Variants in SCN8A observed in about 807,000 individuals in gnomAD.
The protein encoded by SCN8A is sodium voltage-gated channel alpha subunit 8.
A neutral mutation model predicts 184.1 loss-of-function variants in SCN8A; 30 were observed. The ratio of observed to expected loss-of-function variants is 0.16; its 90% CI spans 0.12 to 0.22. The LOEUF (loss-of-function observed/expected upper bound fraction) is 0.22. Among genes scored for constraint, SCN8A ranks in the 10% least tolerant of loss-of-function variants. The pLI, the probability that SCN8A is intolerant of heterozygous loss-of-function variation, is 1.00. For missense variants in SCN8A, 1,057 were observed against 2,498.9 expected (o/e 0.42, Z 12.30); for synonymous variants, 852 against 907.0 (o/e 0.94, Z 1.09).
chr12:51,636,186 C>T (rs759071770), intron 1 of SCN8A, among the ~76,000 whole-genome samples: 2 of 152,130 alleles, frequency 1.3e-5, no homozygotes, highest in Admixed American at 6.5e-5. Flanking sequence ...TTAGTAGAGA[C>T]GGGGTTTCAC....
chr12:51,618,688 C>G (rs1939898449), intron 1 of SCN8A, among the ~76,000 whole-genome samples: 1 of 152,000 alleles, frequency 6.6e-6, no homozygotes, highest in African/African-American at 2.4e-5. Context: ...CTTACTTCAT[C>G]TTATCTGGAG....
chr12:51,702,342 A>AG (rs1491546467), intron 8 of SCN8A, among the ~76,000 whole-genome samples: 2 of 151,300 alleles, frequency 1.3e-5, no homozygotes, highest in Non-Finnish European at 2.9e-5. Flanking sequence ...AAAAAAAAAA[A>AG]GAGGAACTTC....
At chr12:51,749,882 T>C (rs778216143) in intron 13 of SCN8A, among the ~76,000 whole-genome samples, 3 of 152,166 alleles carry the variant, frequency 2.0e-5, no homozygotes, top group Non-Finnish European at 2.9e-5. Context: ...AGAGTAGCTG[T>C]TACAGCCAAC....
chr12:51,621,168 A>G (rs1171942483), intron 1 of SCN8A, among the ~76,000 whole-genome samples: 1 of 152,134 alleles, frequency 6.6e-6, no homozygotes, highest in African/African-American at 2.4e-5. Flanking sequence ...CTGTCAAGAA[A>G]TTTTTTATTA....
intron 1 of SCN8A, among the ~76,000 whole-genome samples, chr12:51,628,593 G>C (rs995969637): frequency 2.1e-4 from 32 of 152,172 alleles, no homozygotes; most frequent in African/African-American, 7.5e-4. Flanking sequence ...TGGGGGGAAA[G>C]GGGTGGTGGT....
At chr12:51,629,291 A>G (rs1241596971) in intron 1 of SCN8A, among the ~76,000 whole-genome samples, 3 of 152,144 alleles carry the variant, frequency 2.0e-5, no homozygotes, top group Non-Finnish European at 4.4e-5. Flanking sequence ...AGAGTGTCTC[A>G]ATCTTGGCCT....
intron 1 of SCN8A, among the ~76,000 whole-genome samples, chr12:51,639,032 G>A (rs1401949263): frequency 5.3e-5 from 8 of 152,080 alleles, no homozygotes; most frequent in Admixed American, 5.2e-4. Context: ...TCAGGCTTGA[G>A]TGCAGTGGTG....
Position 51,649,297 on chromosome 12 carries a change from T to C in SCN8A, c.-54-13467T>C, listed in dbSNP as rs200386390. ...GTCTTTTCCAAGCGAACAATGCAATTGGTCGGTAGATCTACCATTCTGGGG... is the reference window on the plus strand; with the variant it reads ...GTCTTTTCCAAGCGAACAATGCAATCGGTCGGTAGATCTACCATTCTGGGG... On this transcript the variant is annotated intron_variant, in intron 1 of 26. Coordinates refer to ENST00000627620, the MANE Select transcript of SCN8A (RefSeq NM_001330260.2). Among the ~76,000 whole-genome samples, 3 of 152,164 alleles carry C rather than the reference T, an allele frequency of 2.0e-5. No homozygotes were observed. The East Asian group carries it at 5.8e-4, about 29-fold the overall frequency.
chr12:51,797,095 CACTT>C (rs1199294823), intron 26 of SCN8A, among the ~76,000 whole-genome samples: 2 of 152,180 alleles, frequency 1.3e-5, no homozygotes, highest in Admixed American at 6.5e-5. Flanking sequence ...ATCAAATTGA[CACTT>C]AATATTAACC....
At position 51,807,231 on chromosome 12, in the gene SCN8A, C is replaced by T. The variant is rs751690796; in HGVS notation, c.5745C>T (p.Phe1915=). The change falls in exon 27 of 27, where the codon TTC becomes TTT. Residue 1915 remains phenylalanine, a synonymous_variant. Coordinates refer to ENST00000627620, the MANE Select transcript of SCN8A (RefSeq NM_001330260.2). This position sits in a 1 kb window ranked among gnomAD's most constrained non-coding sequence, Gnocchi z 4.5. The part of the protein sequence containing the change: ...AYRGHLARRG[F]ICKKTTSNKL... ...GGGGACATTTGGCAAGGCGGGGCTT[C>T]ATCTGCAAAAAGACAACTTCTAATA... The T allele has an allele frequency of 2.5e-6, 4 of 1,613,824 alleles. No individual in the cohort carries two copies. In the African/African-American group the frequency reaches 4.0e-5, roughly 16 times the overall value.
chr12:51,712,649 T>G, intron 11 of SCN8A: 1 of 800,738 alleles, frequency 1.2e-6, no homozygotes. Flanking sequence ...ACCGCCAAAA[T>G]TTCCTCCTTC....
chr12:51,617,064 T>C (rs547418498), intron 1 of SCN8A, among the ~76,000 whole-genome samples: 2 of 152,364 alleles, frequency 1.3e-5, no homozygotes, highest in Admixed American at 1.3e-4. Context: ...ATTGGTTTGA[T>C]CATGATGTTT....
chr12:51,800,618 A>G (rs1008355774), intron 26 of SCN8A, among the ~76,000 whole-genome samples: 7 of 152,232 alleles, frequency 4.6e-5, no homozygotes, highest in African/African-American at 1.7e-4. Flanking sequence ...TCAATTATAC[A>G]TTCTGGCACT....
chr12:51,692,112 T>C (rs1314796272), intron 6 of SCN8A, among the ~76,000 whole-genome samples: 1 of 152,226 alleles, frequency 6.6e-6, no homozygotes, highest in Non-Finnish European at 1.5e-5. Flanking sequence ...TGTTGTTCTC[T>C]TTGTCTTCTC....
chr12:51,629,159 A>C (rs1436466475), intron 1 of SCN8A, among the ~76,000 whole-genome samples: 2 of 152,190 alleles, frequency 1.3e-5, no homozygotes, highest in Non-Finnish European at 2.9e-5. Context: ...TTATTAGCAG[A>C]TGAAATGGGC....
At position 51,754,495 on chromosome 12, in the gene SCN8A, C is replaced by T. The variant is rs1592144304; in HGVS notation, c.2370+2902C>T. ...ACAATGTTGTGAAGTAAAGTATGACCTTGTCCTGTGGTTGGAATGTGAGGC... is the reference window on the plus strand; with the variant it reads ...ACAATGTTGTGAAGTAAAGTATGACTTTGTCCTGTGGTTGGAATGTGAGGC... On this transcript the variant is annotated intron_variant, in intron 14 of 26. Transcript: ENST00000627620. 1.3e-5 allele frequency among the ~76,000 whole-genome samples: 2 copies of T among 152,128 alleles called. 1 individual carries two copies. The highest frequency in any genetic ancestry group is 1.3e-4 in the Admixed American group (2 of 15,274).
At chr12:51,776,213 C>T (rs763543673) in intron 20 of SCN8A, among the ~76,000 whole-genome samples, 6 of 152,192 alleles carry the variant, frequency 3.9e-5, no homozygotes, top group Non-Finnish European at 8.8e-5. Context: ...TGGTCTGGAA[C>T]TCCTTGGCCT....
At position 51,712,625 on chromosome 12, in the gene SCN8A, C is replaced by A. The variant is rs545758205; in HGVS notation, c.1635+5910C>A. ...TCTAAAATCATTATAGTTCCCACCACCACCATAGTTACCACCGCCAAAATT... is the reference window on the plus strand; with the variant it reads ...TCTAAAATCATTATAGTTCCCACCAACACCATAGTTACCACCGCCAAAATT... On this transcript the variant is annotated intron_variant, in intron 11 of 26. Transcript: ENST00000627620. 29 of 778,964 alleles carry A rather than the reference C, an allele frequency of 3.7e-5. No individual in the cohort carries two copies. The South Asian group carries it at 3.9e-4, about 10-fold the overall frequency. The allele number at this position is 778,964 out of a possible 1,614,324, so 48.3% of individuals were successfully genotyped here. A position where few individuals can be genotyped will look rare whatever the true frequency, so the allele number is the denominator to read the frequency against.
rs1938778203 is a variant in SCN8A, at chr12:51,808,303, A to G, written c.*874A>G. On this transcript the variant is annotated 3_prime_UTR_variant, in exon 27 of 27. Coordinates refer to ENST00000627620, the MANE Select transcript of SCN8A (RefSeq NM_001330260.2). ...TAGGGAAACAACCAACTAATTGACT[A>G]ACACCACCAACAACAAAAAACAAAC... The G allele has an allele frequency of 6.6e-6, 1 of 152,632 alleles. No individual in the cohort carries two copies. 9.5% of individuals were successfully genotyped at this position (152,632 alleles called of 1,614,324 possible). A position where few individuals can be genotyped will look rare whatever the true frequency, so the allele number is the denominator to read the frequency against.
Sources: allele counts gnomAD v4.1 joint callset (sites outside exome capture counted in the v4.1 genomes callset), GRCh38; gene constraint gnomAD v4.1.1; non-coding constraint Gnocchi (gnomAD v3.1); transcripts MANE v1.5; gene names NCBI Gene and HGNC (gene_info 2026-07-23, HGNC 2026-07-21).